The following SIDT2 variants were observed in gnomAD, a reference collection of about 807,000 sequenced individuals.
The protein encoded by SIDT2 is SID1 transmembrane family member 2.
Under a neutral mutation model 114.4 loss-of-function variants are expected in SIDT2, and 68 were observed. The observed-to-expected ratio is 0.59, with a 90% confidence interval of 0.49 to 0.73. The LOEUF is 0.73. Among genes scored for constraint, SIDT2 ranks in the 30% least tolerant of loss-of-function variants. The pLI, the probability that SIDT2 is intolerant of heterozygous loss-of-function variation, is 0.00. For missense variants in SIDT2, 918 were observed against 1,097.1 expected, an observed-to-expected ratio of 0.84 and a Z score of 2.31; for synonymous variants, 470 against 438.4, an observed-to-expected ratio of 1.07 and a Z score of -0.90.
intron 1 of SIDT2, among the ~76,000 whole-genome samples, chr11:117,181,052 T>C (rs2030265374): frequency 6.6e-6 from 1 of 152,096 alleles, no homozygotes; most frequent in Non-Finnish European, 1.5e-5. Flanking sequence ...TGTCTTCGTG[T>C]GTGGGGGCGT....
intron 15 of SIDT2, 85 bp downstream of exon 15, chr11:117,189,486 T>G (rs2030622744): frequency 1.5e-5 from 22 of 1,435,256 alleles, no homozygotes; most frequent in Non-Finnish European, 1.9e-5. Context: ...GGCCCTGGTG[T>G]TCCATCACAG....
chr11:117,181,724 G>T, intron 2 of SIDT2, 83 bp from the exon 3 acceptor site: 1 of 1,594,864 alleles, frequency 6.3e-7, no homozygotes, highest in African/African-American at 1.3e-5. Context: ...AGACCAGACG[G>T]GGCGAGGTGG....
Position 117,188,842 on chromosome 11 carries a change from C to G in SIDT2, c.1278+16C>G. 2 of 1,606,670 alleles carry G rather than the reference C, an allele frequency of 1.2e-6. No individual in the cohort carries two copies. Among genetic ancestry groups the G allele is most frequent in the Non-Finnish European group, 1.7e-6 (2 of 1,173,094 alleles). On this transcript the variant is annotated intron_variant, in intron 13 of 25. Coordinates refer to ENST00000324225, the MANE Select transcript of SIDT2 (RefSeq NM_001040455.2). The surrounding 1 kb of genome is among the most constrained non-coding windows in gnomAD (Gnocchi z 4.0). The stretch of plus-strand genomic sequence containing the variant: ...TCGCACCAAGGTCTGACCCGTGGGC[C>G]TGGCCTGGTCAGGCGTTTCCTGAGA...
rs1217247716 is a variant in SIDT2 at position 117,190,538 on chromosome 11, C to T, written c.1618-85C>T. 1.6e-6 allele frequency: 2 copies of T among 1,246,678 alleles called. No individual in the cohort carries two copies. The highest frequency in any genetic ancestry group is 5.1e-5 in the East Asian group (2 of 39,152). The allele number at this position is 1,246,678 out of a possible 1,614,324, so 77.2% of individuals were successfully genotyped here. On this transcript the variant is annotated intron_variant, in intron 17 of 25. Transcript: ENST00000324225. This position sits in a 1 kb window ranked among gnomAD's most constrained non-coding sequence, Gnocchi z 4.1. ...ATACCCCACCCCTTTTCCTCTTCCA[C>T]TCCTCTTAGGGTCCCTCTTTTGGGT...
chr11:117,190,258 G>A lies in SIDT2; in HGVS notation c.1586G>A (p.Arg529Gln), dbSNP rs2030650280. 6 of 1,563,528 alleles carry A rather than the reference G, an allele frequency of 3.8e-6. No homozygotes were observed. The highest frequency in any genetic ancestry group is 1.2e-5 in the South Asian group (1 of 82,226). ...IILQREINHNRALLRNDLCAL... is the reference protein window; with the variant it reads ...IILQREINHNQALLRNDLCAL... ...CTGCAACGGGAGATCAACCACAACC[G>A]GGCCCTGCTGCGCAATGACCTCTGT... Residue 529 changes from arginine (R) to glutamine (Q), a missense_variant, in exon 17 of 26, where the codon CGG (arginine) becomes CAG (glutamine). Transcript: ENST00000324225. This position sits in a 1 kb window ranked among gnomAD's most constrained non-coding sequence, Gnocchi z 4.1.
Position 117,182,801 on chromosome 11 carries a change from G to A in SIDT2, c.697G>A (p.Val233Ile), listed in dbSNP as rs139345119. ...GATGACCAAGAAGGCGGCCATCACC[G>A]TACAGGTAGGAAATGCATGTGGCCA... Reference protein sequence around the residue: ...QTMTKKAAITVQRKDFPSNSF... With the variant: ...QTMTKKAAITIQRKDFPSNSF... The change falls in exon 6 of 26, where the codon GTA (valine) becomes ATA (isoleucine). Residue 233 changes from valine (V) to isoleucine (I), a missense_variant. Val to Ile is a conservative substitution (Grantham distance 29). Coordinates refer to ENST00000324225, the MANE Select transcript of SIDT2 (RefSeq NM_001040455.2). The A allele has an allele frequency of 4.3e-6, 7 of 1,613,342 alleles. No homozygotes were observed. The highest frequency in any genetic ancestry group is 2.2e-5 in the South Asian group (2 of 90,932).
rs2030602110 is a variant in SIDT2 at position 117,188,955 on chromosome 11, C to T, written c.1278+129C>T. On this transcript the variant is annotated intron_variant, in intron 13 of 25. Transcript: ENST00000324225. This position sits in a 1 kb window ranked among gnomAD's most constrained non-coding sequence, Gnocchi z 4.0. ...AGGAAGGGGCTCAGCTGGGGCAGGGCAGATGCCGGGGAAACTAACCTGACC... is the reference window on the plus strand; with the variant it reads ...AGGAAGGGGCTCAGCTGGGGCAGGGTAGATGCCGGGGAAACTAACCTGACC... 1.9e-6 allele frequency: 2 copies of T among 1,079,344 alleles called. No homozygotes were observed. The highest frequency in any genetic ancestry group is 4.7e-5 in the East Asian group (2 of 42,202). 66.9% of individuals were successfully genotyped at this position (1,079,344 alleles called of 1,614,324 possible). A position where few individuals can be genotyped will look rare whatever the true frequency, so the allele number is the denominator to read the frequency against.
At chr11:117,184,042 A>G in intron 7 of SIDT2, 32 bp from the exon 8 acceptor site, 2 of 1,613,520 alleles carry the variant, frequency 1.2e-6, no homozygotes, top group East Asian at 2.2e-5. Context: ...GCTCCAGGCA[A>G]CTAGTTTACC....
Position 117,180,531 on chromosome 11 carries a change from CTTTTTTTTT to C in SIDT2, c.184-870_184-862del, listed in dbSNP as rs35242634. On this transcript the variant is annotated intron_variant, in intron 1 of 25. Transcript: ENST00000324225. ...GCTCCAAGGGTGAAGATCACTTTAT[CTTTTTTTTT>C]TTTTTTTTTTTTTTGAGACCAGTCT... Among the ~76,000 whole-genome samples the C allele has an allele frequency of 6.9e-4, 57 of 82,396 alleles. No homozygotes were observed. The Admixed American group carries it at 7.0e-3, about 10-fold the overall frequency. The allele number at this position is 82,396 out of a possible 152,430, so 54.1% of individuals were successfully genotyped here.
chr11:117,194,022 C>A, intron 24 of SIDT2, 59 bp downstream of exon 24: 2 of 1,363,582 alleles, frequency 1.5e-6, no homozygotes, highest in Non-Finnish European at 1.0e-6. Flanking sequence ...TCTTTTTAAA[C>A]ATTGGGGCTG....
intron 10 of SIDT2, chr11:117,187,066 A>C: frequency 6.8e-7 from 1 of 1,459,952 alleles, no homozygotes; most frequent in African/African-American, 1.4e-5. Flanking sequence ...GGTGCAGCAC[A>C]GGGCTGTCTG....
rs991395979 is a variant in SIDT2 at position 117,186,942 on chromosome 11, C to T, written c.1015+306C>T. ...CCTTTCCTTCTCTCTCTCTTCCACC[C>T]CTCCCTCTCTTTCTGTCCTCCCTCC... is the stretch of plus-strand genomic sequence containing the variant. On this transcript the variant is annotated intron_variant, in intron 10 of 25. Coordinates refer to ENST00000324225, the MANE Select transcript of SIDT2 (RefSeq NM_001040455.2). 2.0e-6 allele frequency: 3 copies of T among 1,484,224 alleles called. No homozygotes were observed. In the African/African-American group the frequency reaches 4.2e-5, roughly 21 times the overall value. 91.9% of individuals were successfully genotyped at this position (1,484,224 alleles called of 1,614,324 possible).
rs534826124 is a variant in SIDT2, at chr11:117,181,987, T to C, written c.470+16T>C. On this transcript the variant is annotated intron_variant, in intron 3 of 25. Transcript: ENST00000324225. ...TTGTGCTCAGGTCTGCAGGGTAGAG[T>C]GAGGGGACCACGGGGGCTGGTTCTT... 1.2e-6 allele frequency: 2 copies of C among 1,613,806 alleles called. No homozygotes were observed. The highest frequency in any genetic ancestry group is 1.3e-5 in the African/African-American group (1 of 74,908).
intron 8 of SIDT2, among the ~76,000 whole-genome samples, chr11:117,185,357 C>T (rs375395689): frequency 2.2e-4 from 34 of 152,188 alleles, no homozygotes; most frequent in African/African-American, 7.9e-4. Flanking sequence ...CAGGGTGCCT[C>T]TCTTACATGG....
At chr11:117,185,010 G>C (rs2030437489) in intron 8 of SIDT2, among the ~76,000 whole-genome samples, 1 of 151,394 alleles carries the variant, frequency 6.6e-6, no homozygotes, top group Non-Finnish European at 1.5e-5. Context: ...ACAGGCATGA[G>C]CCACCGTGCC....
chr11:117,186,750 T>C, intron 10 of SIDT2, 114 bp downstream of exon 10: 1 of 847,868 alleles, frequency 1.2e-6, no homozygotes, highest in Non-Finnish European at 1.7e-6. Context: ...TTCTGGATGT[T>C]CAGATGGGGG....
chr11:117,179,309 G>T lies in SIDT2; in HGVS notation c.46G>T (p.Val16Phe). Reference protein sequence around the residue: ...LPFLVLLVASVESHLGVLGPK... With the variant: ...LPFLVLLVASFESHLGVLGPK... ...CTTCTTGGTGCTCTTGGTGGCCTCGGTCGAGAGCCATCTGGGGGTTCTGGG... is the reference window on the plus strand; with the variant it reads ...CTTCTTGGTGCTCTTGGTGGCCTCGTTCGAGAGCCATCTGGGGGTTCTGGG... The change falls in exon 1 of 26, where the codon GTC (valine) becomes TTC (phenylalanine). Residue 16 changes from valine to phenylalanine, a missense_variant. This residue lies in a region of SIDT2 where 553 missense variants were observed against 600.1 expected (regional missense o/e 0.92). Transcript: ENST00000324225. 1 of 1,614,170 alleles carries T rather than the reference G, an allele frequency of 6.2e-7. No individual in the cohort carries two copies.
chr11:117,188,504 G>T lies in SIDT2; in HGVS notation c.1160-204G>T. 1.7e-6 allele frequency: 1 copy of T among 593,164 alleles called. No individual in the cohort carries two copies. Among genetic ancestry groups the T allele is most frequent in the Admixed American group, 2.9e-5 (1 of 34,708 alleles). 36.7% of individuals were successfully genotyped at this position (593,164 alleles called of 1,614,324 possible). On this transcript the variant is annotated intron_variant, in intron 12 of 25. Coordinates refer to ENST00000324225, the MANE Select transcript of SIDT2 (RefSeq NM_001040455.2). This position sits in a 1 kb window ranked among gnomAD's most constrained non-coding sequence, Gnocchi z 4.0. The stretch of plus-strand genomic sequence containing the variant: ...GGCCCCTGTGTGGTGGCCTCTTCTA[G>T]AGTCTACCATCATCCCCCAGGACTT...
intron 1 of SIDT2, 39 bp from the exon 2 acceptor site, chr11:117,181,377 T>A: frequency 6.2e-7 from 1 of 1,611,392 alleles, no homozygotes; most frequent in Non-Finnish European, 8.5e-7. Context: ...GTGTCCCTGG[T>A]GGCAGAGGCT....
Sources: allele counts gnomAD v4.1 joint callset (sites outside exome capture counted in the v4.1 genomes callset), GRCh38; gene constraint gnomAD v4.1.1; regional missense constraint gnomAD v4.1.1; non-coding constraint Gnocchi (gnomAD v3.1); transcripts MANE v1.5; gene names NCBI Gene and HGNC (gene_info 2026-07-23, HGNC 2026-07-21).